The following CDK5RAP2 variants were observed in gnomAD, a reference collection of about 807,000 sequenced individuals.
CDK5RAP2 encodes CDK5 regulatory subunit-associated protein 2.
Under a neutral mutation model 232.9 loss-of-function variants are expected in CDK5RAP2, and 147 were observed. The observed-to-expected ratio is 0.63, with a 90% CI of 0.55 to 0.72. The LOEUF is 0.72. Among genes scored for constraint, CDK5RAP2 ranks in the 30% least tolerant of loss-of-function variants. The probability of loss-of-function intolerance (pLI) is 0.00; values close to 1 mark genes in which losing one functional copy is unlikely to be tolerated. For synonymous variants in CDK5RAP2, 833 were observed against 833.7 expected, an observed-to-expected ratio of 1.00 and a Z score of 0.01; for missense variants, 2,195 against 2,231.5, an observed-to-expected ratio of 0.98 and a Z score of 0.33.
intron 35 of CDK5RAP2, among the ~76,000 whole-genome samples, chr9:120,397,544 T>TAAAAAAAAAAAAAA: frequency 2.0e-5 from 1 of 49,098 alleles, no homozygotes; most frequent in Non-Finnish European, 3.7e-5. Context: ...AAAACATTCT[T>TAAAAAAAAAAAAAA]AAAAAAAAAA....
chr9:120,394,889 A>G (rs1192106364), intron 35 of CDK5RAP2, among the ~76,000 whole-genome samples: 1 of 152,208 alleles, frequency 6.6e-6, no homozygotes, highest in Non-Finnish European at 1.5e-5. Flanking sequence ...ACGCCCTGGC[A>G]AGATCTACCA....
chr9:120,447,707 G>C (rs1293577600), intron 22 of CDK5RAP2, among the ~76,000 whole-genome samples, 188 bp downstream of exon 22: 1 of 152,192 alleles, frequency 6.6e-6, no homozygotes, highest in Non-Finnish European at 1.5e-5. Context: ...TAAAATGAAA[G>C]CAATAGATTC....
At chr9:120,451,206 T>C (rs1450019703) in intron 21 of CDK5RAP2, among the ~76,000 whole-genome samples, 2 of 152,060 alleles carry the variant, frequency 1.3e-5, no homozygotes, top group Non-Finnish European at 2.9e-5. Flanking sequence ...CTAAACAGAG[T>C]CCCACCTACC....
At chr9:120,571,879 T>C (rs962222900) in intron 2 of CDK5RAP2, 95 bp downstream of exon 2, 1 of 983,222 alleles carries the variant, frequency 1.0e-6, no homozygotes, top group Non-Finnish European at 1.6e-6. Context: ...GGGAAGCCTC[T>C]GGGCCCCAGA....
At chr9:120,576,655 T>C (rs997582806) in intron 1 of CDK5RAP2, among the ~76,000 whole-genome samples, 3 of 152,142 alleles carry the variant, frequency 2.0e-5, no homozygotes, top group Non-Finnish European at 4.4e-5. Context: ...TGAGCCGAAA[T>C]TGCGCCACTG....
At chr9:120,499,227 A>G (rs757989427) in intron 12 of CDK5RAP2, among the ~76,000 whole-genome samples, 1 of 152,242 alleles carries the variant, frequency 6.6e-6, no homozygotes, top group Non-Finnish European at 1.5e-5. Context: ...ATTGCTTAAA[A>G]TAATTCAGTG....
chr9:120,431,939 A>AC (rs2035308127), intron 25 of CDK5RAP2, among the ~76,000 whole-genome samples: 1 of 152,130 alleles, frequency 6.6e-6, no homozygotes, highest in African/African-American at 2.4e-5. Context: ...ATAGACCCTC[A>AC]CCCCAGAAAA....
chr9:120,425,438 C>T (rs1382444763), intron 25 of CDK5RAP2, among the ~76,000 whole-genome samples: 1 of 152,218 alleles, frequency 6.6e-6, no homozygotes, highest in Non-Finnish European at 1.5e-5. Flanking sequence ...GCTCCCATCT[C>T]TCAGGCAAAT....
chr9:120,397,655 C>G (rs2032636241), intron 35 of CDK5RAP2, among the ~76,000 whole-genome samples: 1 of 150,630 alleles, frequency 6.6e-6, no homozygotes, highest in Non-Finnish European at 1.5e-5. Context: ...CACATCCAGT[C>G]AGTGAGCACA....
chr9:120,460,789 G>A (rs1486818554), intron 18 of CDK5RAP2, 122 bp from the exon 19 acceptor site: 3 of 1,499,826 alleles, frequency 2.0e-6, no homozygotes, highest in South Asian at 1.3e-5. Context: ...ACAAAAAAGA[G>A]GAAGAAACAA....
intron 13 of CDK5RAP2, 40 bp from the exon 14 acceptor site, chr9:120,487,477 G>GA (rs751337003): frequency 2.7e-5 from 40 of 1,482,344 alleles, no homozygotes; most frequent in Middle Eastern, 1.8e-4. Flanking sequence ...TTGTCATCAA[G>GA]AAAAAAAATA....
intron 12 of CDK5RAP2, among the ~76,000 whole-genome samples, chr9:120,494,225 T>A (rs1179094724): frequency 6.6e-6 from 1 of 152,168 alleles, no homozygotes; most frequent in Admixed American, 6.5e-5. Context: ...CATGTGTCAA[T>A]ACACATATTT....
chr9:120,390,829 T>A (rs1409109821), intron 36 of CDK5RAP2, among the ~76,000 whole-genome samples: 2 of 152,222 alleles, frequency 1.3e-5, no homozygotes, highest in Non-Finnish European at 2.9e-5. Context: ...TGTCGTGTGG[T>A]GGCCTTGAGA....
At position 120,458,622 on chromosome 9, in the gene CDK5RAP2, T is replaced by C; in HGVS notation, c.2203A>G (p.Ile735Val). The C allele has an allele frequency of 6.2e-7, 1 of 1,613,888 alleles. No homozygotes were observed. The highest frequency in any genetic ancestry group is 8.5e-7 in the Non-Finnish European group (1 of 1,179,830). The change falls in exon 20 of 38, where the codon ATT becomes GTT. Residue 735 changes from isoleucine to valine, a missense_variant and splice_region_variant. By Grantham distance (29) the Ile-to-Val change is conservative. Transcript: ENST00000349780. ...CCTCCTTTGGAAAGGTCTTTCATAA[T>C]CTGCAAATAAAAGTATTTGGTCAAA... The part of the protein sequence containing the change: ...SDQHLQQSNE[I>V]MKDLSKGGCK...
At chr9:120,484,301 C>A (rs1163547783) in intron 14 of CDK5RAP2, among the ~76,000 whole-genome samples, 1 of 152,162 alleles carries the variant, frequency 6.6e-6, no homozygotes, top group Non-Finnish European at 1.5e-5. Flanking sequence ...TTTCTTGGGG[C>A]CGGGGGAGTC....
At chr9:120,445,168 C>T (rs889256387) in intron 22 of CDK5RAP2, among the ~76,000 whole-genome samples, 15 of 152,222 alleles carry the variant, frequency 9.9e-5, no homozygotes, top group African/African-American at 2.2e-4. Context: ...CTGCTTCTCC[C>T]GCAGCCTTCA....
rs1411256213 is a variant in CDK5RAP2 at position 120,403,620 on chromosome 9, C to T, written c.5041+416G>A. On this transcript the variant is annotated intron_variant, in intron 33 of 37. Coordinates refer to ENST00000349780, the MANE Select transcript of CDK5RAP2 (RefSeq NM_018249.6). This position sits in a 1 kb window ranked among gnomAD's most constrained non-coding sequence, Gnocchi z 4.2. ...GTATTCATGATGAGTCTTGAGGAAA[C>T]GGGACTTCTACCGGCAAAGAGTGGG... The T allele has an allele frequency of 6.7e-6, 2 of 300,338 alleles. No homozygotes were observed. The highest frequency in any genetic ancestry group is 8.2e-5 in the East Asian group (1 of 12,186). 18.6% of individuals were successfully genotyped at this position (300,338 alleles called of 1,614,324 possible).
At chr9:120,476,808 A>C (rs1021376174) in intron 15 of CDK5RAP2, among the ~76,000 whole-genome samples, 2 of 152,120 alleles carry the variant, frequency 1.3e-5, no homozygotes, top group South Asian at 2.1e-4. Flanking sequence ...TGGGAGAGTC[A>C]GGGCTAGAAC....
intron 3 of CDK5RAP2, among the ~76,000 whole-genome samples, chr9:120,553,902 T>C (rs927873693): frequency 6.6e-6 from 1 of 152,172 alleles, no homozygotes; most frequent in Non-Finnish European, 1.5e-5. Context: ...GCTGGGATTA[T>C]AGGTGCAAGC....
Sources: allele counts gnomAD v4.1 joint callset (sites outside exome capture counted in the v4.1 genomes callset), GRCh38; gene constraint gnomAD v4.1.1; non-coding constraint Gnocchi (gnomAD v3.1); transcripts MANE v1.5; gene names NCBI Gene and HGNC (gene_info 2026-07-23, HGNC 2026-07-21).